EVA1C: variants seen among roughly 807,000 people sequenced by gnomAD.
EVA1C encodes eva-1 homolog C.
A neutral mutation model predicts 45.4 loss-of-function variants in EVA1C; 25 were observed. The ratio of observed to expected loss-of-function variants is 0.55; its 90% CI spans 0.40 to 0.77. The LOEUF (loss-of-function observed/expected upper bound fraction) is 0.77, where lower values mean the gene tolerates loss of function less well. EVA1C is among the 30% of genes least tolerant of loss of function. The probability of loss-of-function intolerance (pLI) is 0.00; values close to 1 mark genes in which losing one functional copy is unlikely to be tolerated. For missense variants in EVA1C, 479 were observed against 554.8 expected (o/e 0.86, Z 1.37); for synonymous variants, 190 against 221.2 (o/e 0.86, Z 1.25).
Position 32,471,328 on chromosome 21 carries a change from TTTC to T in EVA1C, c.634+3483_634+3485del, listed in dbSNP as rs1301384050. ...CCTACTCCCACTCCTTTTTTTCTTTTTTCTTTTTTTTTTTTTGAGACAGAGTCT... is the reference window on the plus strand; with the variant it reads ...CCTACTCCCACTCCTTTTTTTCTTTTTTTTTTTTTTTTTGAGACAGAGTCT... On this transcript the variant is annotated intron_variant, in intron 4 of 7. Transcript: ENST00000300255. 3.9e-3 allele frequency among the ~76,000 whole-genome samples: 241 copies of T among 61,288 alleles called. 5 individuals are homozygous for T. Among genetic ancestry groups the T allele is most frequent in the Middle Eastern group, 0.012 (2 of 162 alleles). The allele number at this position is 61,288 out of a possible 152,430, so 40.2% of individuals were successfully genotyped here.
chr21:32,427,525 C>T (rs1231242455), intron 1 of EVA1C, among the ~76,000 whole-genome samples: 3 of 151,676 alleles, frequency 2.0e-5, no homozygotes, highest in African/African-American at 7.3e-5. Context: ...TCATCCTGGC[C>T]AATGTGGTAA....
intron 4 of EVA1C, among the ~76,000 whole-genome samples, chr21:32,481,248 T>A (rs2036773840): frequency 6.6e-6 from 1 of 152,150 alleles, no homozygotes; most frequent in Non-Finnish European, 1.5e-5. Flanking sequence ...TTGTTCCCAA[T>A]GCAGGTAGCT....
At chr21:32,490,576 A>G (rs1411558152) in intron 4 of EVA1C, among the ~76,000 whole-genome samples, 1 of 152,202 alleles carries the variant, frequency 6.6e-6, no homozygotes, top group Admixed American at 6.5e-5. Context: ...ACTCCATCCT[A>G]TGTATATACC....
At chr21:32,487,681 T>C (rs10084574) in intron 4 of EVA1C, among the ~76,000 whole-genome samples, 8,541 of 151,072 alleles carry the variant, frequency 0.057, 353 homozygotes, top group African/African-American at 0.11. Context: ...AATCGCGCCA[T>C]TGCCCTCCAG....
At chr21:32,436,879 G>T (rs1370622069) in intron 1 of EVA1C, among the ~76,000 whole-genome samples, 1 of 152,132 alleles carries the variant, frequency 6.6e-6, no homozygotes, top group Non-Finnish European at 1.5e-5. Flanking sequence ...ATAGATTCAG[G>T]CTGGGTGCAG....
At chr21:32,419,043 T>G (rs1287885558) in intron 1 of EVA1C, among the ~76,000 whole-genome samples, 2 of 152,242 alleles carry the variant, frequency 1.3e-5, no homozygotes, top group Non-Finnish European at 2.9e-5. Flanking sequence ...AATTTATAAA[T>G]AAGTGTGCAT....
chr21:32,424,110 A>G (rs1277999717), intron 1 of EVA1C, among the ~76,000 whole-genome samples: 29 of 152,204 alleles, frequency 1.9e-4, no homozygotes, highest in Admixed American at 1.9e-3. Flanking sequence ...TTTGTCTGCA[A>G]AGGCCCATGC....
intron 1 of EVA1C, among the ~76,000 whole-genome samples, chr21:32,446,113 C>T (rs569484687): frequency 1.3e-4 from 20 of 152,050 alleles, no homozygotes; most frequent in South Asian, 4.2e-4. Flanking sequence ...TGTGGTGGCA[C>T]GTGCCTGTAG....
At chr21:32,510,492 A>C (rs927108626) in intron 7 of EVA1C, among the ~76,000 whole-genome samples, 41 of 152,194 alleles carry the variant, frequency 2.7e-4, no homozygotes, top group African/African-American at 8.2e-4. Context: ...AAGATGGTTT[A>C]TATATGGTCT....
At position 32,417,905 on chromosome 21, in the gene EVA1C, A is replaced by G. The variant is rs138203764; in HGVS notation, c.160+4892A>G. On this transcript the variant is annotated intron_variant, in intron 1 of 7. Coordinates refer to ENST00000300255, the MANE Select transcript of EVA1C (RefSeq NM_058187.5). ...AGCCAGTCACTGATCTCTTTTTGAA[A>G]GCTCCCCAGGCAATTCTAATATGCA... Among the ~76,000 whole-genome samples the G allele has an allele frequency of 5.2e-3, 793 of 152,198 alleles. 9 individuals are homozygous for G. The highest frequency in any genetic ancestry group is 0.028 in the Admixed American group (421 of 15,294).
chr21:32,464,647 C>T (rs1343108643), intron 3 of EVA1C, among the ~76,000 whole-genome samples: 1 of 151,978 alleles, frequency 6.6e-6, no homozygotes, highest in East Asian at 1.9e-4. Context: ...TATGGTGAAA[C>T]CCTGTCTCTA....
intron 1 of EVA1C, among the ~76,000 whole-genome samples, chr21:32,441,065 G>T (rs1482995203): frequency 6.6e-6 from 1 of 152,204 alleles, no homozygotes; most frequent in East Asian, 1.9e-4. Context: ...TGATGCCATT[G>T]CAGTCCAGCC....
chr21:32,431,775 T>C (rs2034713708), intron 1 of EVA1C, among the ~76,000 whole-genome samples: 2 of 152,260 alleles, frequency 1.3e-5, no homozygotes, highest in African/African-American at 4.8e-5. Context: ...ATTTTCTAAG[T>C]GGCAGATAAG....
intron 2 of EVA1C, among the ~76,000 whole-genome samples, chr21:32,453,957 G>A (rs1292358082): frequency 2.0e-5 from 3 of 152,174 alleles, no homozygotes; most frequent in Admixed American, 6.6e-5. Context: ...AGGGCTGGGC[G>A]CGGTGGCTCA....
In EVA1C at chr21:32,502,017, TTTC is replaced by T. The variant is rs2037558075; in HGVS notation, c.859+525_859+527del. On this transcript the variant is annotated intron_variant, in intron 6 of 7. Coordinates refer to ENST00000300255, the MANE Select transcript of EVA1C (RefSeq NM_058187.5). ...CTTTCTTTCTTTCTTTCTTTCTTTC[TTTC>T]TTTCTTTCTTTCTTTCTTTCTTTCT... Among the ~76,000 whole-genome samples the T allele has an allele frequency of 1.4e-5, 2 of 141,240 alleles. 1 individual carries two copies. Among genetic ancestry groups the T allele is most frequent in the African/African-American group, 5.7e-5 (2 of 35,194 alleles). The allele number at this position is 141,240 out of a possible 152,430, so 92.7% of individuals were successfully genotyped here. A position where few individuals can be genotyped will look rare whatever the true frequency, so the allele number is the denominator to read the frequency against.
At chr21:32,414,596 C>G (rs537917005) in intron 1 of EVA1C, among the ~76,000 whole-genome samples, 1 of 152,130 alleles carries the variant, frequency 6.6e-6, no homozygotes, top group African/African-American at 2.4e-5. Flanking sequence ...AGATTACCAC[C>G]CAAGTTTGGA....
chr21:32,476,257 TTTTTG>T (rs1259743985), intron 4 of EVA1C, among the ~76,000 whole-genome samples: 2 of 151,634 alleles, frequency 1.3e-5, no homozygotes, highest in East Asian at 1.9e-4. Flanking sequence ...ATCCTCGGGT[TTTTTG>T]TTTTGTTTTG....
chr21:32,446,264 C>A lies in EVA1C; in HGVS notation c.161-7048C>A, dbSNP rs187404747. 2.0e-4 allele frequency among the ~76,000 whole-genome samples: 30 copies of A among 152,118 alleles called. No individual in the cohort carries two copies. The East Asian group carries it at 5.2e-3, about 26-fold the overall frequency. Reference sequence around the variant, plus strand: ...AAAAAGAGTCCACATCCTCTCATTTCCTCTCCTCACCAGTTTAACAAGGAT... The same window carrying A: ...AAAAAGAGTCCACATCCTCTCATTTACTCTCCTCACCAGTTTAACAAGGAT... On this transcript the variant is annotated intron_variant, in intron 1 of 7. Coordinates refer to ENST00000300255, the MANE Select transcript of EVA1C (RefSeq NM_058187.5).
chr21:32,449,430 G>C (rs1265971625), intron 1 of EVA1C, among the ~76,000 whole-genome samples: 1 of 152,096 alleles, frequency 6.6e-6, no homozygotes, highest in Non-Finnish European at 1.5e-5. Flanking sequence ...CCATAGTTGT[G>C]GTTTATCCAG....
Sources: gnomAD v4.1 joint callset for allele counts (sites outside exome capture counted in the v4.1 genomes callset) on GRCh38, gnomAD v4.1.1 for gene constraint, MANE v1.5 for transcripts, NCBI Gene and HGNC (gene_info 2026-07-23, HGNC 2026-07-21) for gene names.